The following ELAC2 variants were observed in gnomAD, a reference collection of about 807,000 sequenced individuals.
The protein encoded by ELAC2 is zinc phosphodiesterase ELAC protein 2.
ELAC2 carries 92 observed loss-of-function variants against 105.2 expected under a neutral mutation model. The observed-to-expected ratio is 0.87, with a 90% CI of 0.74 to 1.04. ELAC2 has a LOEUF of 1.04. Ranked by LOEUF, ELAC2 falls within the 50% of genes least tolerant of loss-of-function variation. The pLI, the probability that ELAC2 is intolerant of heterozygous loss-of-function variation, is 0.00. For missense variants in ELAC2, 1,099 were observed against 1,071.7 expected (o/e 1.03, Z -0.36); for synonymous variants, 468 against 409.1 (o/e 1.14, Z -1.74).
At chr17:13,011,817 C>T (rs1434771149) in intron 6 of ELAC2, 35 bp from the exon 7 acceptor site, 3 of 1,614,040 alleles carry the variant, frequency 1.9e-6, no homozygotes, top group Admixed American at 3.3e-5. Context: ...TTACACACTG[C>T]ACAAGGTGAG....
Position 12,993,667 on chromosome 17 carries a change from T to C in ELAC2, c.2253+20A>G, listed in dbSNP as rs780450615. On this transcript the variant is annotated intron_variant, in intron 23 of 23. Coordinates refer to ENST00000338034, the MANE Select transcript of ELAC2 (RefSeq NM_018127.7). ...TCCCTGCCCCGTCCCCGCCCTGTGC[T>C]GTCCGTGTGACATACAGACCTTCAT... is the stretch of plus-strand genomic sequence containing the variant. 2.2e-5 allele frequency: 36 copies of C among 1,613,984 alleles called. No homozygotes were observed. The highest frequency in any genetic ancestry group is 3.3e-5 in the Admixed American group (2 of 60,008).
At chr17:13,000,511 G>GT (rs2040732564) in intron 14 of ELAC2, 4 of 543,902 alleles carry the variant, frequency 7.4e-6, no homozygotes, top group Non-Finnish European at 1.3e-5. Context: ...GGGCAAGACA[G>GT]TTTTTTTCTG....
intron 6 of ELAC2, among the ~76,000 whole-genome samples, chr17:13,012,148 A>G (rs2041450068): frequency 6.6e-6 from 1 of 152,054 alleles, no homozygotes; most frequent in Admixed American, 6.5e-5. Context: ...AAGGCTCAAG[A>G]TCAAGGGAAA....
intron 5 of ELAC2, among the ~76,000 whole-genome samples, chr17:13,014,088 T>C (rs2041584056): frequency 6.6e-6 from 1 of 152,040 alleles, no homozygotes; most frequent in Admixed American, 6.5e-5. Flanking sequence ...GGTCAAGAGA[T>C]CGAGACTATC....
Position 13,017,874 on chromosome 17 carries a change from G to A in ELAC2, c.74C>T (p.Ala25Val), listed in dbSNP as rs1046040354. 3.9e-6 allele frequency: 6 copies of A among 1,550,162 alleles called. No individual in the cohort carries two copies. The highest frequency in any genetic ancestry group is 1.7e-6 in the Non-Finnish European group (2 of 1,149,966). Residue 25 changes from alanine to valine, a missense_variant, in exon 1 of 24, where the codon GCA (alanine) becomes GTA (valine). Physicochemically the swap from Ala to Val is moderately conservative, Grantham distance 64 (BLOSUM62 0). Coordinates refer to ENST00000338034, the MANE Select transcript of ELAC2 (RefSeq NM_018127.7). ...TMSQGRTISQAPARRERPRKD... is the reference protein window; with the variant it reads ...TMSQGRTISQVPARRERPRKD... ...GCGCGGCCGCTCGCGGCGGGCGGGT[G>A]CCTGCGATATGGTGCGTCCCTGCGA...
intron 8 of ELAC2, among the ~76,000 whole-genome samples, chr17:13,007,207 G>GA (rs911837415): frequency 4.7e-5 from 7 of 149,550 alleles, no homozygotes; most frequent in African/African-American, 9.8e-5. Context: ...CATTTTATAG[G>GA]AAAAAAAAAA....
rs947153967 is a variant in ELAC2 at position 12,991,661 on chromosome 17, G to A, written c.*1157C>T. 2.5e-5 allele frequency: 5 copies of A among 198,360 alleles called. No homozygotes were observed. The highest frequency in any genetic ancestry group is 5.2e-5 in the Non-Finnish European group (5 of 95,610). The allele number at this position is 198,360 out of a possible 1,614,324, so 12.3% of individuals were successfully genotyped here. A position where few individuals can be genotyped will look rare whatever the true frequency, so the allele number is the denominator to read the frequency against. ...ATCCCTGAGCTTGGCATCTGTTCTT[G>A]CTTTAATAAACCTGCGGGGACATGG... On this transcript the variant is annotated 3_prime_UTR_variant, in exon 24 of 24. Transcript: ENST00000338034.
In ELAC2 at chr17:13,010,781, C is replaced by T. The variant is rs888774701; in HGVS notation, c.680-110G>A. On this transcript the variant is annotated intron_variant, in intron 7 of 23. Coordinates refer to ENST00000338034, the MANE Select transcript of ELAC2 (RefSeq NM_018127.7). ...TTCACTTCACATAAAAATTAATGGA[C>T]GCTACTGTCCCAATACAAAGGCTGA... 1.1e-4 allele frequency: 102 copies of T among 971,374 alleles called. 1 individual carries two copies. The highest frequency in any genetic ancestry group is 6.1e-4 in the Middle Eastern group (3 of 4,910). 60.2% of individuals were successfully genotyped at this position (971,374 alleles called of 1,614,324 possible). A position where few individuals can be genotyped will look rare whatever the true frequency, so the allele number is the denominator to read the frequency against.
At position 13,011,784 on chromosome 17, in the gene ELAC2, T is replaced by C. The variant is rs149733287; in HGVS notation, c.560-2A>G. ...GGTGCTTTCCCCTCCTCTGTTCACC[T>C]GGTCAGTACAGATACCACCAAATTA... On this transcript the variant is annotated splice_acceptor_variant, in intron 6 of 23. Coordinates refer to ENST00000338034, the MANE Select transcript of ELAC2 (RefSeq NM_018127.7). LOFTEE classifies it high-confidence loss of function. The C allele has an allele frequency of 4.7e-4, 755 of 1,614,178 alleles. 5 individuals are homozygous for C. The African/African-American group carries it at 9.1e-3, about 20-fold the overall frequency.
chr17:13,008,192 T>G (rs1267554682), intron 8 of ELAC2, among the ~76,000 whole-genome samples: 4 of 149,804 alleles, frequency 2.7e-5, no homozygotes, highest in Non-Finnish European at 5.9e-5. Context: ...AGAGCGAGAC[T>G]CCATCTCAGA....
At position 12,995,793 on chromosome 17, in the gene ELAC2, A is replaced by G; in HGVS notation, c.1718T>C (p.Leu573Pro). The G allele has an allele frequency of 6.2e-7, 1 of 1,611,966 alleles. No homozygotes were observed. Among genetic ancestry groups the G allele is most frequent in the Non-Finnish European group, 8.5e-7 (1 of 1,179,092 alleles). ...ERALASLGKP[L>P]HPLLVVAPNQ... ...GGGGGCAACCACCAGCAAAGGGTGA[A>G]GCGGCTTTCCCAAAGATGCCTGGAA... Residue 573 changes from leucine (L) to proline (P), a missense_variant, in exon 19 of 24, where the codon CTT becomes CCT. By Grantham distance (98) the Leu-to-Pro change is moderately conservative. Coordinates refer to ENST00000338034, the MANE Select transcript of ELAC2 (RefSeq NM_018127.7).
intron 4 of ELAC2, 48 bp from the exon 5 acceptor site, chr17:13,014,544 A>C: frequency 7.6e-7 from 1 of 1,315,988 alleles, no homozygotes. Flanking sequence ...CAAATGTAGA[A>C]CACAGCAACT....
chr17:12,992,919 G>A lies in ELAC2; in HGVS notation c.2380C>T (p.Leu794Phe), dbSNP rs1186070275. 3.1e-6 allele frequency: 5 copies of A among 1,611,526 alleles called. No individual in the cohort carries two copies. Among genetic ancestry groups the A allele is most frequent in the Non-Finnish European group, 3.4e-6 (4 of 1,180,020 alleles). The stretch of plus-strand genomic sequence containing the variant: ...CCGCCTGCCAGCTCCCTGGACAGGA[G>A]GGCCGCCCGCACCTGCCGCAGCTCC... ...KRELRQVRAA[L>F]LSRELAGGLE... The change falls in exon 24 of 24, where the codon CTC (leucine) becomes TTC (phenylalanine). Residue 794 changes from leucine (L) to phenylalanine (F), a missense_variant. By Grantham distance (22) the Leu-to-Phe change is conservative. Coordinates refer to ENST00000338034, the MANE Select transcript of ELAC2 (RefSeq NM_018127.7).
chr17:12,996,924 T>C (rs930326218), intron 16 of ELAC2, among the ~76,000 whole-genome samples: 1 of 149,396 alleles, frequency 6.7e-6, no homozygotes, highest in Non-Finnish European at 1.5e-5. Context: ...CAAGTAGACT[T>C]ACACAAAGGC....
chr17:13,000,241 G>T lies in ELAC2; in HGVS notation c.1338C>A (p.Phe446Leu). The stretch of plus-strand genomic sequence containing the variant: ...TGGGAAGCTGCAGCGCCTCAACTAT[G>T]AATTCCTCAGGATTGCAAGTAATAA... ...DAIITCNPEE[F>L]IVEALQLPNF... Residue 446 changes from phenylalanine (F) to leucine (L), a missense_variant, in exon 15 of 24, where the codon TTC becomes TTA. Transcript: ENST00000338034. The T allele has an allele frequency of 1.9e-6, 3 of 1,614,144 alleles. No homozygotes were observed. Among genetic ancestry groups the T allele is most frequent in the Non-Finnish European group, 2.5e-6 (3 of 1,180,042 alleles).
At position 13,013,242 on chromosome 17, in the gene ELAC2, T is replaced by G. The variant is rs200183588; in HGVS notation, c.524A>C (p.Asp175Ala). The G allele has an allele frequency of 6.2e-7, 1 of 1,614,194 alleles. No homozygotes were observed. The highest frequency in any genetic ancestry group is 2.2e-5 in the East Asian group (1 of 44,874). The stretch of plus-strand genomic sequence containing the variant: ...GATCTGGTAAACTGTCATGGTTTCA[T>G]CCTCGTATTCTGGGGCAGAGTGGGG... Reference protein sequence around the residue: ...VRPHSAPEYEDETMTVYQIPI... With the variant: ...VRPHSAPEYEAETMTVYQIPI... The change falls in exon 6 of 24, where the codon GAT (aspartate) becomes GCT (alanine). Residue 175 changes from aspartate to alanine, a missense_variant. Asp to Ala is a moderately radical substitution (Grantham distance 126). Transcript: ENST00000338034.
chr17:12,996,148 G>T, intron 17 of ELAC2, 170 bp from the exon 18 acceptor site: 1 of 782,938 alleles, frequency 1.3e-6, no homozygotes. Context: ...CCATGGCCCT[G>T]AAATGTCACA....
intron 1 of ELAC2, 108 bp from the exon 2 acceptor site, chr17:13,017,229 A>C: frequency 8.2e-7 from 1 of 1,220,576 alleles, no homozygotes. Flanking sequence ...AAAGAAAAAA[A>C]AATTAAAAGT....
chr17:13,009,989 T>TAAAAAAAAAA (rs2041323460), intron 8 of ELAC2, among the ~76,000 whole-genome samples: 1 of 63,930 alleles, frequency 1.6e-5, no homozygotes, highest in African/African-American at 5.7e-5. Flanking sequence ...AGACATGGTC[T>TAAAAAAAAAA]CAAAAAAAAA....
Sources: allele counts gnomAD v4.1 joint callset (sites outside exome capture counted in the v4.1 genomes callset), GRCh38; gene constraint gnomAD v4.1.1; transcripts MANE v1.5; gene names NCBI Gene and HGNC (gene_info 2026-07-23, HGNC 2026-07-21).